The following RBFOX1 variants were observed in gnomAD, a reference collection of about 807,000 sequenced individuals.
RBFOX1 encodes the protein RNA binding protein fox-1 homolog 1.
Under a neutral mutation model 57.7 loss-of-function variants are expected in RBFOX1, and 8 were observed. That is an observed-to-expected ratio of 0.14 (90% CI 0.08 to 0.25). The LOEUF (loss-of-function observed/expected upper bound fraction) is 0.25. Among genes scored for constraint, RBFOX1 ranks in the 10% least tolerant of loss-of-function variants. RBFOX1 has a pLI of 1.00. For synonymous variants in RBFOX1, 326 were observed against 222.4 expected (o/e 1.47, Z -4.15); for missense variants, 611 against 548.5 (o/e 1.11, Z -1.14).
In RBFOX1 at chr16:6,348,270, C is replaced by T. The variant is rs560640686; in HGVS notation, c.-64+31213C>T. 2.6e-5 allele frequency among the ~76,000 whole-genome samples: 4 copies of T among 152,272 alleles called. No individual in the cohort carries two copies. The South Asian group carries it at 8.3e-4, about 32-fold the overall frequency. On this transcript the variant is annotated intron_variant, in intron 2 of 15. Coordinates refer to ENST00000550418, the MANE Select transcript of RBFOX1 (RefSeq NM_018723.4). The stretch of plus-strand genomic sequence containing the variant: ...AGGAGCTGTGTAAACTCAGGCAAAT[C>T]ATTTAGTTCCTTCTTGTCTATTTGT...
intron 2 of RBFOX1, among the ~76,000 whole-genome samples, chr16:5,512,594 A>G (rs1392951923): frequency 2.0e-5 from 3 of 152,144 alleles, no homozygotes; most frequent in Non-Finnish European, 4.4e-5. Flanking sequence ...TCTGGACCTT[A>G]GTTGTTGCTG....
At chr16:5,307,780 C>G (rs1368715794) in intron 1 of RBFOX1, among the ~76,000 whole-genome samples, 1 of 152,158 alleles carries the variant, frequency 6.6e-6, no homozygotes, top group Non-Finnish European at 1.5e-5. Flanking sequence ...CTTAAGCAAT[C>G]CTCCCACCTC....
intron 4 of RBFOX1, among the ~76,000 whole-genome samples, chr16:7,300,593 G>A (rs182148026): frequency 4.2e-5 from 6 of 144,154 alleles, no homozygotes; most frequent in African/African-American, 1.6e-4. Context: ...TTGCTCTGAG[G>A]TATGGCAACT....
intron 3 of RBFOX1, among the ~76,000 whole-genome samples, chr16:5,711,864 C>G (rs1281716119): frequency 6.6e-6 from 1 of 152,202 alleles, no homozygotes; most frequent in Non-Finnish European, 1.5e-5. Context: ...AAAATAGTAA[C>G]AGCCTCTATT....
chr16:6,645,945 T>A (rs2098530762), intron 2 of RBFOX1, among the ~76,000 whole-genome samples: 1 of 152,092 alleles, frequency 6.6e-6, no homozygotes, highest in African/African-American at 2.4e-5. Context: ...ACCCTAGCAG[T>A]GTGATTCTGC....
chr16:7,644,407 A>C (rs552660161), intron 11 of RBFOX1, among the ~76,000 whole-genome samples: 2 of 152,328 alleles, frequency 1.3e-5, no homozygotes, highest in South Asian at 4.1e-4. Flanking sequence ...AACTGCAATC[A>C]CATCGTTCCT....
chr16:5,958,155 C>A (rs910402195), intron 4 of RBFOX1, among the ~76,000 whole-genome samples: 2 of 152,140 alleles, frequency 1.3e-5, no homozygotes, highest in Non-Finnish European at 2.9e-5. Context: ...TGGGGAGATA[C>A]TTTTTTGTGT....
At chr16:5,604,476 C>A (rs1489494119), downstream of RBFOX1, among the ~76,000 whole-genome samples, 1 of 152,182 alleles carries the variant, frequency 6.6e-6, no homozygotes, top group African/African-American at 2.4e-5. Context: ...GGTTCCCTGC[C>A]ACATGGCCCT....
intron 3 of RBFOX1, among the ~76,000 whole-genome samples, chr16:7,039,827 C>G (rs1048272731): frequency 1.3e-5 from 2 of 152,062 alleles, no homozygotes; most frequent in Non-Finnish European, 2.9e-5. Flanking sequence ...ACATGAGACC[C>G]TAGAAGCAGA....
intron 3 of RBFOX1, among the ~76,000 whole-genome samples, chr16:6,813,522 C>G (rs1297091367): frequency 6.6e-6 from 1 of 152,164 alleles, no homozygotes; most frequent in Non-Finnish European, 1.5e-5. Flanking sequence ...TGATCTGTCA[C>G]CTGGTCCCTA....
At chr16:5,798,452 A>T (rs2054950164) in intron 3 of RBFOX1, among the ~76,000 whole-genome samples, 5 of 152,114 alleles carry the variant, frequency 3.3e-5, no homozygotes, top group Admixed American at 3.3e-4. Context: ...GACTGGGAGG[A>T]TATGGGACTT....
chr16:6,347,288 A>C (rs1271032168), intron 2 of RBFOX1, among the ~76,000 whole-genome samples: 1 of 152,188 alleles, frequency 6.6e-6, no homozygotes, highest in Non-Finnish European at 1.5e-5. Context: ...TCTCATCCTC[A>C]ACCACCATCA....
chr16:7,450,580 G>C (rs754170699), intron 4 of RBFOX1, among the ~76,000 whole-genome samples: 25 of 152,050 alleles, frequency 1.6e-4, no homozygotes, highest in Non-Finnish European at 2.8e-4. Context: ...AGTGTCTTAA[G>C]GAGGAAAAGA....
intron 4 of RBFOX1, among the ~76,000 whole-genome samples, chr16:7,199,129 T>A (rs904824738): frequency 6.6e-6 from 1 of 152,162 alleles, no homozygotes. Context: ...CAGCTCACAA[T>A]GTTAGGGACT....
intron 2 of RBFOX1, among the ~76,000 whole-genome samples, chr16:5,574,153 C>A (rs1256488217): frequency 1.3e-5 from 2 of 152,112 alleles, no homozygotes; most frequent in Non-Finnish European, 1.5e-5. Context: ...AATTTTTATG[C>A]CTATGCGGAT....
intron 1 of RBFOX1, chr16:5,289,391 A>G (rs1596406243): frequency 2.7e-6 from 1 of 374,460 alleles, no homozygotes; most frequent in South Asian, 3.8e-5. Flanking sequence ...GGGCCCCCAT[A>G]TGGGGTGCTG....
intron 4 of RBFOX1, among the ~76,000 whole-genome samples, chr16:5,868,120 T>G (rs1232956149): frequency 6.6e-6 from 1 of 152,190 alleles, no homozygotes; most frequent in Admixed American, 6.5e-5. Context: ...ACCAGCAAGG[T>G]GACCACCCAT....
intron 2 of RBFOX1, among the ~76,000 whole-genome samples, chr16:6,489,310 G>C (rs963838384): frequency 3.3e-5 from 5 of 152,074 alleles, no homozygotes; most frequent in Non-Finnish European, 7.4e-5. Flanking sequence ...TAAAGGTTTG[G>C]CACATAGGTT....
At chr16:6,216,940 T>G (rs905184808) in intron 1 of RBFOX1, among the ~76,000 whole-genome samples, 1 of 152,178 alleles carries the variant, frequency 6.6e-6, no homozygotes, top group Non-Finnish European at 1.5e-5. Context: ...TCTTTCTACT[T>G]TTCTTCTGAT....
Sources: allele counts gnomAD v4.1 joint callset (sites outside exome capture counted in the v4.1 genomes callset), GRCh38; gene constraint gnomAD v4.1.1; transcripts MANE v1.5; gene names NCBI Gene and HGNC (gene_info 2026-07-23, HGNC 2026-07-21).